POMT1: variants seen among roughly 807,000 people sequenced by gnomAD.
POMT1 encodes protein O-mannosyltransferase 1.
In POMT1, 85 loss-of-function variants were observed where a neutral mutation model predicts 101.6. That is an observed-to-expected ratio of 0.84 (90% CI 0.70 to 1.00). The LOEUF is 1.00. Ranked by LOEUF, POMT1 falls within the 50% of genes least tolerant of loss-of-function variation. The pLI is 0.00. For synonymous variants in POMT1, 371 were observed against 383.0 expected (o/e 0.97, Z 0.37); for missense variants, 857 against 930.4 (o/e 0.92, Z 1.03).
At chr9:131,507,032 A>T (rs1235718089) in intron 4 of POMT1, among the ~76,000 whole-genome samples, 1 of 151,012 alleles carries the variant, frequency 6.6e-6, no homozygotes, top group Non-Finnish European at 1.5e-5. Context: ...GCGCCACTGC[A>T]CTCCGGCCTG....
chr9:131,511,015 TCACCC>T, intron 9 of POMT1: 1 of 283,966 alleles, frequency 3.5e-6, no homozygotes, highest in Non-Finnish European at 6.7e-6. Context: ...GTTGTTTGGC[TCACCC>T]TAGTCTTGGT....
rs117481475 is a variant in POMT1 at position 131,521,581 on chromosome 9, C to T, written c.1825+109C>T. The T allele has an allele frequency of 3.1e-4, 407 of 1,327,476 alleles. 4 individuals are homozygous for T. In the East Asian group the frequency reaches 7.8e-3, roughly 25 times the overall value. 82.2% of individuals were successfully genotyped at this position (1,327,476 alleles called of 1,614,324 possible). A position where few individuals can be genotyped will look rare whatever the true frequency, so the allele number is the denominator to read the frequency against. ...CTGGGCTTAAGCGATCCTCCTGCCT[C>T]GGCCTCCCATAGTGCTAGGATTACA... is the stretch of plus-strand genomic sequence containing the variant. On this transcript the variant is annotated intron_variant, in intron 18 of 19. Coordinates refer to ENST00000402686, the MANE Select transcript of POMT1 (RefSeq NM_001077365.2).
chr9:131,522,395 C>T lies in POMT1; in HGVS notation c.2003+171C>T. 2 of 1,343,590 alleles carry T rather than the reference C, an allele frequency of 1.5e-6. No homozygotes were observed. The highest frequency in any genetic ancestry group is 2.0e-6 in the Non-Finnish European group (2 of 1,000,070). The allele number at this position is 1,343,590 out of a possible 1,614,324, so 83.2% of individuals were successfully genotyped here. The stretch of plus-strand genomic sequence containing the variant: ...GTTCAGAAGAGATGCCCAGATGAGG[C>T]ACTGCAGGAACCCAGAGGGAGAAGT... On this transcript the variant is annotated intron_variant, in intron 19 of 19. Coordinates refer to ENST00000402686, the MANE Select transcript of POMT1 (RefSeq NM_001077365.2). The surrounding 1 kb of genome is among the most constrained non-coding windows in gnomAD (Gnocchi z 5.5).
chr9:131,515,947 C>T (rs78337322), intron 13 of POMT1, among the ~76,000 whole-genome samples: 1 of 123,370 alleles, frequency 8.1e-6, no homozygotes, highest in African/African-American at 3.0e-5. Flanking sequence ...CTTCCTCACA[C>T]GGAACACTTC....
Position 131,519,623 on chromosome 9 carries a change from C to G in POMT1, c.1584+137C>G. ...TACAGGCTCACAACAGAATGAGTGTCTCCTCTCTCCAGTGTAAGGGACTGT... is the reference window on the plus strand; with the variant it reads ...TACAGGCTCACAACAGAATGAGTGTGTCCTCTCTCCAGTGTAAGGGACTGT... On this transcript the variant is annotated intron_variant, in intron 16 of 19. Coordinates refer to ENST00000402686, the MANE Select transcript of POMT1 (RefSeq NM_001077365.2). This position sits in a 1 kb window ranked among gnomAD's most constrained non-coding sequence, Gnocchi z 4.3. 1 of 851,776 alleles carries G rather than the reference C, an allele frequency of 1.2e-6. No homozygotes were observed. The highest frequency in any genetic ancestry group is 1.9e-6 in the Non-Finnish European group (1 of 526,560). 52.8% of individuals were successfully genotyped at this position (851,776 alleles called of 1,614,324 possible).
chr9:131,510,925 T>C (rs548831293), intron 9 of POMT1: 25 of 297,772 alleles, frequency 8.4e-5, no homozygotes, highest in Middle Eastern at 2.4e-3. Flanking sequence ...AAGGTATCAG[T>C]AGAGGTGGTC....
rs1950097120 is a variant in POMT1 at position 131,522,297 on chromosome 9, CAT to C, written c.2003+74_2003+75del. Reference sequence around the variant, plus strand: ...CTGGGAAGCCCATGCGCAGCAAACACATGGGGTGCAGCGAACCTCACCCATTT... The same window carrying C: ...CTGGGAAGCCCATGCGCAGCAAACACGGGGTGCAGCGAACCTCACCCATTT... On this transcript the variant is annotated intron_variant, in intron 19 of 19. Coordinates refer to ENST00000402686, the MANE Select transcript of POMT1 (RefSeq NM_001077365.2). This position sits in a 1 kb window ranked among gnomAD's most constrained non-coding sequence, Gnocchi z 5.5. The C allele has an allele frequency of 2.5e-6, 4 of 1,598,364 alleles. No homozygotes were observed. The Admixed American group carries it at 5.0e-5, about 20-fold the overall frequency.
chr9:131,516,962 G>A (rs1029459937), intron 13 of POMT1: 1 of 152,262 alleles, frequency 6.6e-6, no homozygotes, highest in Non-Finnish European at 1.5e-5. Flanking sequence ...TTACGGAATC[G>A]GGTCTCCTGG....
At chr9:131,507,298 G>A (rs1946068270) in intron 4 of POMT1, 70 bp from the exon 5 acceptor site, 1 of 1,605,550 alleles carries the variant, frequency 6.2e-7, no homozygotes, top group Non-Finnish European at 8.5e-7. Context: ...CTATGTGAAA[G>A]CATAGCTGCA....
Position 131,519,460 on chromosome 9 carries a change from T to G in POMT1, c.1558T>G (p.Phe520Val), listed in dbSNP as rs1259047944. 1 of 1,551,092 alleles carries G rather than the reference T, an allele frequency of 6.4e-7. No homozygotes were observed. Among genetic ancestry groups the G allele is most frequent in the Non-Finnish European group, 8.7e-7 (1 of 1,147,030 alleles). ...AQVDVSRNLS[F>V]MARFSELQWR... ...GGTGGACGTCAGCAGGAACCTCAGC[T>G]TCATGGCGAGATTCTCGGAGCTGCA... is the stretch of plus-strand genomic sequence containing the variant. The change falls in exon 16 of 20, where the codon TTC becomes GTC. Residue 520 changes from phenylalanine to valine, a missense_variant. Phe to Val is a conservative substitution (Grantham distance 50). Transcript: ENST00000402686. This position sits in a 1 kb window ranked among gnomAD's most constrained non-coding sequence, Gnocchi z 4.3.
intron 11 of POMT1, 50 bp downstream of exon 11, chr9:131,512,186 C>A (rs1213967487): frequency 1.3e-6 from 2 of 1,598,814 alleles, no homozygotes; most frequent in South Asian, 2.2e-5. Flanking sequence ...CCTGGCCTGG[C>A]CAGGCGAGAC....
chr9:131,512,950 G>A (rs1424142794), intron 11 of POMT1, among the ~76,000 whole-genome samples: 1 of 30,330 alleles, frequency 3.3e-5, no homozygotes, highest in African/African-American at 5.6e-5. Flanking sequence ...CCTTCAGAAG[G>A]ATTCCTTGGC....
Position 131,522,988 on chromosome 9 carries a change from C to T in POMT1, c.2060C>T (p.Ala687Val), listed in dbSNP as rs138171526. 7.0e-4 allele frequency: 1,128 copies of T among 1,606,456 alleles called. 3 individuals are homozygous for T. The African/African-American group carries it at 0.011, about 16-fold the overall frequency. ...CTGGTGGTGGCCTGGTACTCCTCCG[C>T]GTGCCACGTGTCCAACACGCTGCGC... is the stretch of plus-strand genomic sequence containing the variant. ...SALVVAWYSS[A>V]CHVSNTLRPL... is the part of the protein sequence containing the mutation. The change falls in exon 20 of 20, where the codon GCG becomes GTG. Residue 687 changes from alanine to valine, a missense_variant. By Grantham distance (64) the Ala-to-Val change is moderately conservative. Coordinates refer to ENST00000402686, the MANE Select transcript of POMT1 (RefSeq NM_001077365.2). The surrounding 1 kb of genome is among the most constrained non-coding windows in gnomAD (Gnocchi z 5.5).
chr9:131,519,500 A>AG lies in POMT1; in HGVS notation c.1584+18dup, dbSNP rs1564381946. 3.2e-6 allele frequency: 5 copies of AG among 1,548,606 alleles called. No homozygotes were observed. In the Admixed American group the frequency reaches 7.8e-5, roughly 24 times the overall value. On this transcript the variant is annotated intron_variant, in intron 16 of 19. Coordinates refer to ENST00000402686, the MANE Select transcript of POMT1 (RefSeq NM_001077365.2). This position sits in a 1 kb window ranked among gnomAD's most constrained non-coding sequence, Gnocchi z 4.3. ...TCGGAGCTGCAGGTGAGGAGCGGCC[A>AG]GGGGAAGCTGGCCTAGCTCGCTGAG...
intron 4 of POMT1, 79 bp downstream of exon 4, chr9:131,506,532 C>T: frequency 2.1e-6 from 3 of 1,400,062 alleles, no homozygotes; most frequent in Admixed American, 1.7e-5. Context: ...GGATTAACAA[C>T]TGTGGCTTTT....
Position 131,523,374 on chromosome 9 carries a change from T to A in POMT1, c.*268T>A. 4.1e-6 allele frequency: 2 copies of A among 490,086 alleles called. No individual in the cohort carries two copies. Among genetic ancestry groups the A allele is most frequent in the Admixed American group, 6.6e-5 (2 of 30,518 alleles). 30.4% of individuals were successfully genotyped at this position (490,086 alleles called of 1,614,324 possible). On this transcript the variant is annotated 3_prime_UTR_variant, in exon 20 of 20. Coordinates refer to ENST00000402686, the MANE Select transcript of POMT1 (RefSeq NM_001077365.2). ...ACAGGGAGTATTTCAGAGGCCAGCG[T>A]AGGAGTCATTGACAACAAAAAGCCG...
Position 131,513,831 on chromosome 9 carries a change from C to A in POMT1, c.1175+500C>A, listed in dbSNP as rs149151478. Among the ~76,000 whole-genome samples the A allele has an allele frequency of 4.3e-3, 661 of 152,366 alleles. 8 individuals carry two copies. Among genetic ancestry groups the A allele is most frequent in the African/African-American group, 0.015 (614 of 41,590 alleles). On this transcript the variant is annotated intron_variant, in intron 12 of 19. Coordinates refer to ENST00000402686, the MANE Select transcript of POMT1 (RefSeq NM_001077365.2). ...GTTGCTCACACCCTCCTCCTTCCTC[C>A]CTGACTGCTCTCTCCACCGCCTCCT...
chr9:131,520,378 G>A lies in POMT1; in HGVS notation c.1698+185G>A, dbSNP rs1027097456. ...ACCTGGAGCCAGGAGTAGGGGTGTG[G>A]CATGTGTGCCTGTTGAAGGAAACCC... On this transcript the variant is annotated intron_variant, in intron 17 of 19. Coordinates refer to ENST00000402686, the MANE Select transcript of POMT1 (RefSeq NM_001077365.2). Among the ~76,000 whole-genome samples, 3 of 152,230 alleles carry A rather than the reference G, an allele frequency of 2.0e-5. No individual in the cohort carries two copies. The South Asian group carries it at 6.2e-4, about 31-fold the overall frequency.
At position 131,519,543 on chromosome 9, in the gene POMT1, G is replaced by A; in HGVS notation, c.1584+57G>A. ...TCGCTGAGCATTGACTCCTCAGCAG[G>A]GAGGCCTGGGGGCTGCACAGGACTC... On this transcript the variant is annotated intron_variant, in intron 16 of 19. Transcript: ENST00000402686. The surrounding 1 kb of genome is among the most constrained non-coding windows in gnomAD (Gnocchi z 4.3). 1 of 1,501,340 alleles carries A rather than the reference G, an allele frequency of 6.7e-7. No homozygotes were observed. The highest frequency in any genetic ancestry group is 1.2e-5 in the South Asian group (1 of 83,040). 93.0% of individuals were successfully genotyped at this position (1,501,340 alleles called of 1,614,324 possible).
Sources: gnomAD v4.1 joint callset for allele counts (sites outside exome capture counted in the v4.1 genomes callset) on GRCh38, gnomAD v4.1.1 for gene constraint, Gnocchi (gnomAD v3.1) non-coding constraint, MANE v1.5 for transcripts, NCBI Gene and HGNC (gene_info 2026-07-23, HGNC 2026-07-21) for gene names.